Variants in ZNF436 observed in about 807,000 individuals in gnomAD.
The protein encoded by ZNF436 is DNA-binding protein.
A neutral mutation model predicts 41.9 loss-of-function variants in ZNF436; 22 were observed. That is an observed-to-expected ratio of 0.53 (90% CI 0.38 to 0.75). The LOEUF is 0.75. Ranked by LOEUF, ZNF436 falls within the 30% of genes least tolerant of loss-of-function variation. ZNF436 has a pLI of 0.00. For missense variants in ZNF436, 506 were observed against 587.3 expected, an observed-to-expected ratio of 0.86 and a Z score of 1.43; for synonymous variants, 217 against 197.8, an observed-to-expected ratio of 1.10 and a Z score of -0.82.
At position 23,367,181 on chromosome 1, in the gene ZNF436, G is replaced by T. The variant is rs1234462174; in HGVS notation, c.34-13C>A. 6.2e-7 allele frequency: 1 copy of T among 1,601,164 alleles called. No homozygotes were observed. Among genetic ancestry groups the T allele is most frequent in the South Asian group, 1.1e-5 (1 of 88,476 alleles). ...ACGTCACAGGTGCCTGAAATCACAC[G>T]ATACTTCCCTACTATTCTGTATTTA... On this transcript the variant is annotated splice_polypyrimidine_tract_variant and intron_variant, in intron 2 of 3. Coordinates refer to ENST00000314011, the MANE Select transcript of ZNF436 (RefSeq NM_001077195.2).
At position 23,360,613 on chromosome 1, in the gene ZNF436, G is replaced by A. The variant is rs1056244131; in HGVS notation, c.*1356C>T. ...GAGGATGGAAATACATTCCTACCGAGGTTCGTTAATTCCTTCTGACTAAGC... is the reference window on the plus strand; with the variant it reads ...GAGGATGGAAATACATTCCTACCGAAGTTCGTTAATTCCTTCTGACTAAGC... On this transcript the variant is annotated 3_prime_UTR_variant, in exon 4 of 4. Coordinates refer to ENST00000314011, the MANE Select transcript of ZNF436 (RefSeq NM_001077195.2). 2 of 152,494 alleles carry A rather than the reference G, an allele frequency of 1.3e-5. No homozygotes were observed. The highest frequency in any genetic ancestry group is 2.9e-5 in the Non-Finnish European group (2 of 68,022). The allele number at this position is 152,494 out of a possible 1,614,324, so 9.4% of individuals were successfully genotyped here. A position where few individuals can be genotyped will look rare whatever the true frequency, so the allele number is the denominator to read the frequency against.
Position 23,368,085 on chromosome 1 carries a change from G to A in ZNF436, c.-60-20C>T, listed in dbSNP as rs1638402361. On this transcript the variant is annotated intron_variant, in intron 1 of 3. Transcript: ENST00000314011. ...ACAGCGCTGAAGGAGGCGAAAAGCA[G>A]GGCGTGAGGCACGGAAAACAGGCCC... The A allele has an allele frequency of 6.5e-7, 1 of 1,544,568 alleles. No individual in the cohort carries two copies. The highest frequency in any genetic ancestry group is 1.7e-5 in the Admixed American group (1 of 58,072).
chr1:23,368,329 T>A, intron 1 of ZNF436: 1 of 337,358 alleles, frequency 3.0e-6, no homozygotes, highest in Middle Eastern at 8.4e-4. Context: ...GAGGAGGTGC[T>A]CAGCTCAGCC....
chr1:23,367,165 G>T lies in ZNF436; in HGVS notation c.37C>A (p.Pro13Thr), dbSNP rs1229670527. 1 of 1,607,040 alleles carries T rather than the reference G, an allele frequency of 6.2e-7. No homozygotes were observed. The highest frequency in any genetic ancestry group is 1.1e-5 in the South Asian group (1 of 89,640). ...ATGGCCATATCTTCAAACGTCACAG[G>T]TGCCTGAAATCACACGATACTTCCC... ...ATLLMAGSQAPVTFEDMAMYL... is the reference protein window; with the variant it reads ...ATLLMAGSQATVTFEDMAMYL... Residue 13 changes from proline (P) to threonine (T), a missense_variant, in exon 3 of 4, where the codon CCT becomes ACT. Around this residue, in one of 2 missense-constraint regions of ZNF436, gnomAD observed 228 missense variants for 215.1 expected, o/e 1.06. Transcript: ENST00000314011.
At chr1:23,366,023 G>C (rs1274516065) in intron 3 of ZNF436, among the ~76,000 whole-genome samples, 1 of 151,644 alleles carries the variant, frequency 6.6e-6, no homozygotes, top group East Asian at 1.9e-4. Context: ...CTTCTAACAA[G>C]TGCTTTTGGG....
intron 3 of ZNF436, among the ~76,000 whole-genome samples, chr1:23,365,753 T>TA (rs1488968615): frequency 6.6e-6 from 1 of 151,434 alleles, no homozygotes; most frequent in Non-Finnish European, 1.5e-5. Flanking sequence ...TAAAATTTTT[T>TA]AAAAAATAAA....
chr1:23,359,493 A>C lies in ZNF436; in HGVS notation c.*2476T>G, dbSNP rs1416961722. The C allele has an allele frequency of 6.6e-6, 1 of 152,258 alleles. No individual in the cohort carries two copies. The highest frequency in any genetic ancestry group is 1.5e-5 in the Non-Finnish European group (1 of 68,046). The allele number at this position is 152,258 out of a possible 1,614,324, so 9.4% of individuals were successfully genotyped here. A position where few individuals can be genotyped will look rare whatever the true frequency, so the allele number is the denominator to read the frequency against. On this transcript the variant is annotated 3_prime_UTR_variant, in exon 4 of 4. Coordinates refer to ENST00000314011, the MANE Select transcript of ZNF436 (RefSeq NM_001077195.2). ...TTAATTATAGAATATTGTTAGAATA[A>C]TACAAACACTAGGATAACTGTGACC...
chr1:23,362,861 C>A lies in ZNF436; in HGVS notation c.521G>T (p.Gly174Val). The A allele has an allele frequency of 1.9e-6, 3 of 1,614,190 alleles. No homozygotes were observed. Among genetic ancestry groups the A allele is most frequent in the Non-Finnish European group, 2.5e-6 (3 of 1,180,034 alleles). The part of the protein sequence containing the change: ...RPYKCYECGK[G>V]FSRSSHLIQH... ...AATAAGGTGTGAGCTGCGACTGAAG[C>A]CTTTTCCACATTCATAACATTTATA... Residue 174 changes from glycine (G) to valine (V), a missense_variant, in exon 4 of 4, where the codon GGC becomes GTC. By Grantham distance (109) the Gly-to-Val change is moderately radical. Transcript: ENST00000314011.
In ZNF436 at chr1:23,368,068, G is replaced by T; in HGVS notation, c.-60-3C>A. 1 of 1,592,484 alleles carries T rather than the reference G, an allele frequency of 6.3e-7. No homozygotes were observed. On this transcript the variant is annotated splice_polypyrimidine_tract_variant and splice_region_variant and intron_variant, in intron 1 of 3. Coordinates refer to ENST00000314011, the MANE Select transcript of ZNF436 (RefSeq NM_001077195.2). ...GGAAAAGCAGCTAGCAGACAGCGCT[G>T]AAGGAGGCGAAAAGCAGGGCGTGAG...
Position 23,362,670 on chromosome 1 carries a change from T to A in ZNF436, c.712A>T (p.Ile238Phe), listed in dbSNP as rs1477451058. The A allele has an allele frequency of 1.9e-6, 3 of 1,613,946 alleles. No individual in the cohort carries two copies. Among genetic ancestry groups the A allele is most frequent in the Non-Finnish European group, 2.5e-6 (3 of 1,180,036 alleles). ...CCACTGTGGGTCCTTTGGTGTTGGA[T>A]TAGGTGAGAGAGACGGCAGAAACTT... is the stretch of plus-strand genomic sequence containing the variant. Reference protein sequence around the residue: ...GKSFCRLSHLIQHQRTHSGEK... With the variant: ...GKSFCRLSHLFQHQRTHSGEK... Residue 238 changes from isoleucine (I) to phenylalanine (F), a missense_variant, in exon 4 of 4, where the codon ATC (isoleucine) becomes TTC (phenylalanine). By Grantham distance (21) the Ile-to-Phe change is conservative. Around this residue, in one of 2 missense-constraint regions of ZNF436, gnomAD observed 278 missense variants for 372.1 expected, o/e 0.75. Transcript: ENST00000314011.
intron 1 of ZNF436, 28 bp from the exon 2 acceptor site, chr1:23,368,093 G>A: frequency 2.0e-6 from 3 of 1,512,956 alleles, no homozygotes; most frequent in Non-Finnish European, 2.7e-6. Context: ...CAGGGCGTGA[G>A]GCACGGAAAA....
In ZNF436 at chr1:23,360,776, G is replaced by A. The variant is rs1646990124; in HGVS notation, c.*1193C>T. 1 of 152,582 alleles carries A rather than the reference G, an allele frequency of 6.6e-6. No individual in the cohort carries two copies. The highest frequency in any genetic ancestry group is 1.5e-5 in the Non-Finnish European group (1 of 68,034). The allele number at this position is 152,582 out of a possible 1,614,324, so 9.5% of individuals were successfully genotyped here. On this transcript the variant is annotated 3_prime_UTR_variant, in exon 4 of 4. Transcript: ENST00000314011. The stretch of plus-strand genomic sequence containing the variant: ...GCTCTGTACAAAGACAGACCTTACA[G>A]GAGAGTGCACACTAAAGCACTAGTG...
Position 23,362,709 on chromosome 1 carries a change from T to A in ZNF436, c.673A>T (p.Asn225Tyr). ...IHTGEKPHKC[N>Y]ECGKSFCRLS... Reference sequence around the variant, plus strand: ...CGGCAGAAACTTTTTCCACACTCATTACATTTGTGAGGCTTCTCTCCAGTG... The same window carrying A: ...CGGCAGAAACTTTTTCCACACTCATAACATTTGTGAGGCTTCTCTCCAGTG... Residue 225 changes from asparagine (N) to tyrosine (Y), a missense_variant, in exon 4 of 4, where the codon AAT becomes TAT. Asn to Tyr is a moderately radical substitution (Grantham distance 143, BLOSUM62 -2). Coordinates refer to ENST00000314011, the MANE Select transcript of ZNF436 (RefSeq NM_001077195.2). 1 of 1,614,162 alleles carries A rather than the reference T, an allele frequency of 6.2e-7. No homozygotes were observed. The highest frequency in any genetic ancestry group is 8.5e-7 in the Non-Finnish European group (1 of 1,180,030).
intron 3 of ZNF436, among the ~76,000 whole-genome samples, chr1:23,366,297 G>A (rs1638357295): frequency 6.6e-6 from 1 of 152,124 alleles, no homozygotes. Context: ...CTAATGAATG[G>A]CAAATGACCT....
At chr1:23,367,006 A>C (rs747002620) in intron 3 of ZNF436, 36 bp downstream of exon 3, 43 of 1,592,234 alleles carry the variant, frequency 2.7e-5, no homozygotes, top group Non-Finnish European at 3.5e-5. Flanking sequence ...CGATCTCAAA[A>C]ACGTGGAGGC....
At position 23,360,998 on chromosome 1, in the gene ZNF436, C is replaced by T. The variant is rs1419344379; in HGVS notation, c.*971G>A. 2 of 152,460 alleles carry T rather than the reference C, an allele frequency of 1.3e-5. No homozygotes were observed. Among genetic ancestry groups the T allele is most frequent in the African/African-American group, 4.8e-5 (2 of 41,412 alleles). 9.4% of individuals were successfully genotyped at this position (152,460 alleles called of 1,614,324 possible). A position where few individuals can be genotyped will look rare whatever the true frequency, so the allele number is the denominator to read the frequency against. On this transcript the variant is annotated 3_prime_UTR_variant, in exon 4 of 4. Transcript: ENST00000314011. ...AGCTAAGATAAACACTGGGATGTGG[C>T]CCTTATCAAATCTTAGAGTTAGCAG... is the stretch of plus-strand genomic sequence containing the variant.
Position 23,368,055 on chromosome 1 carries a change from AG to A in ZNF436, c.-51del. ...GGGAGAGAGAGCAGGAAAAGCAGCT[AG>A]CAGACAGCGCTGAAGGAGGCGAAAA... On this transcript the variant is annotated 5_prime_UTR_variant, in exon 2 of 4. Coordinates refer to ENST00000314011, the MANE Select transcript of ZNF436 (RefSeq NM_001077195.2). The A allele has an allele frequency of 6.2e-7, 1 of 1,610,234 alleles. No homozygotes were observed. Among genetic ancestry groups the A allele is most frequent in the African/African-American group, 1.3e-5 (1 of 74,980 alleles).
chr1:23,362,536 T>C lies in ZNF436; in HGVS notation c.846A>G (p.Glu282=). The change falls in exon 4 of 4, where the codon GAA becomes GAG. Residue 282 remains glutamate, a synonymous_variant. Coordinates refer to ENST00000314011, the MANE Select transcript of ZNF436 (RefSeq NM_001077195.2). ...HTGEKPYECN[E]CGRGFSERSD... is the part of the protein sequence containing the mutation. The stretch of plus-strand genomic sequence containing the variant: ...ATCTCTCACTGAAGCCTCGGCCACA[T>C]TCGTTACATTCATAAGGTTTCTCAC... 1 of 1,612,836 alleles carries C rather than the reference T, an allele frequency of 6.2e-7. No homozygotes were observed. The highest frequency in any genetic ancestry group is 8.5e-7 in the Non-Finnish European group (1 of 1,179,722).
At chr1:23,364,029 G>T (rs944346230) in intron 3 of ZNF436, among the ~76,000 whole-genome samples, 2 of 149,174 alleles carry the variant, frequency 1.3e-5, no homozygotes, top group Admixed American at 1.3e-4. Context: ...GTGACAGAAC[G>T]AGACCCTGTC....
Sources: gnomAD v4.1 joint callset for allele counts (sites outside exome capture counted in the v4.1 genomes callset) on GRCh38, gnomAD v4.1.1 for gene constraint, gnomAD v4.1.1 regional missense constraint, MANE v1.5 for transcripts, NCBI Gene and HGNC (gene_info 2026-07-23, HGNC 2026-07-21) for gene names.